The following CALN1 variants were observed in gnomAD, a reference collection of about 807,000 sequenced individuals.
CALN1 encodes the protein calcium-binding protein 8.
CALN1 carries 17 observed loss-of-function variants against 30.6 expected under a neutral mutation model. That is an observed-to-expected ratio of 0.56 (90% CI 0.38 to 0.83). The LOEUF is 0.83. CALN1 is among the 40% of genes least tolerant of loss of function. CALN1 has a pLI of 0.00. For synonymous variants in CALN1, 156 were observed against 131.4 expected, an observed-to-expected ratio of 1.19 and a Z score of -1.28; for missense variants, 291 against 354.9, an observed-to-expected ratio of 0.82 and a Z score of 1.45.
At chr7:72,383,879 G>C (rs1225285909) in intron 2 of CALN1, among the ~76,000 whole-genome samples, 1 of 152,110 alleles carries the variant, frequency 6.6e-6, no homozygotes, top group Non-Finnish European at 1.5e-5. Context: ...TTTAAGTTCT[G>C]GGATATCTGT....
rs186121796 is a variant in CALN1, at chr7:72,159,386, C to T, written c.245-53092G>A. 2.1e-3 allele frequency among the ~76,000 whole-genome samples: 316 copies of T among 152,246 alleles called. 1 individual carries two copies. Among genetic ancestry groups the T allele is most frequent in the Non-Finnish European group, 5.0e-4 (34 of 68,022 alleles). ...CATGTGGTGTGTGCCTGTAATCCAGCTACTTCAGAGGCTGAGGCAGGGAGG... is the reference window on the plus strand; with the variant it reads ...CATGTGGTGTGTGCCTGTAATCCAGTTACTTCAGAGGCTGAGGCAGGGAGG... On this transcript the variant is annotated intron_variant, in intron 3 of 6. Transcript: ENST00000395275.
intron 3 of CALN1, among the ~76,000 whole-genome samples, chr7:72,156,718 T>G (rs1455643058): frequency 1.3e-5 from 2 of 152,210 alleles, no homozygotes; most frequent in African/African-American, 4.8e-5. Flanking sequence ...GTGTTCTGTT[T>G]GTATCATAAT....
chr7:71,835,017 T>C (rs762069125), intron 5 of CALN1, among the ~76,000 whole-genome samples: 2 of 152,080 alleles, frequency 1.3e-5, no homozygotes, highest in South Asian at 2.1e-4. Flanking sequence ...AAAATTTTCA[T>C]AGGGACGAGG....
chr7:72,439,113 T>C (rs1808266877), intron 1 of CALN1, among the ~76,000 whole-genome samples: 2 of 152,178 alleles, frequency 1.3e-5, no homozygotes, highest in Admixed American at 6.5e-5. Context: ...TATAGCTCAC[T>C]GCAGCCTCCT....
In CALN1 at chr7:72,121,261, ATATATC is replaced by A. The variant is rs1055518970; in HGVS notation, c.245-14973_245-14968del. Among the ~76,000 whole-genome samples, 629 of 136,716 alleles carry A rather than the reference ATATATC, an allele frequency of 4.6e-3. 3 individuals are homozygous for A. The highest frequency in any genetic ancestry group is 0.016 in the African/African-American group (612 of 37,788). 89.7% of individuals were successfully genotyped at this position (136,716 alleles called of 152,430 possible). On this transcript the variant is annotated intron_variant, in intron 3 of 6. Coordinates refer to ENST00000395275, the MANE Select transcript of CALN1 (RefSeq NM_031468.4). ...TAATATATTATAATACATATCTATT[ATATATC>A]TATATTATATAATAATATATAAATT...
intron 1 of CALN1, among the ~76,000 whole-genome samples, chr7:72,433,678 G>T (rs1014384462): frequency 2.0e-5 from 3 of 152,106 alleles, no homozygotes; most frequent in Non-Finnish European, 2.9e-5. Context: ...CAATCTAGCT[G>T]GGTCTCAGGG....
chr7:72,425,096 G>C (rs1218342439), intron 1 of CALN1, among the ~76,000 whole-genome samples: 1 of 152,090 alleles, frequency 6.6e-6, no homozygotes, highest in Non-Finnish European at 1.5e-5. Flanking sequence ...GAGAGGGGTA[G>C]GGTTTGTTTT....
At chr7:72,309,330 T>C (rs78370006) in intron 2 of CALN1, among the ~76,000 whole-genome samples, 33 of 152,222 alleles carry the variant, frequency 2.2e-4, no homozygotes, top group African/African-American at 7.5e-4. Flanking sequence ...CTTTGAAACA[T>C]ACACATCAGT....
chr7:72,129,768 G>A (rs929172416), intron 3 of CALN1, among the ~76,000 whole-genome samples: 2 of 152,052 alleles, frequency 1.3e-5, no homozygotes, highest in Non-Finnish European at 2.9e-5. Flanking sequence ...AAAAAGCTCA[G>A]AATCAACTCA....
intron 5 of CALN1, among the ~76,000 whole-genome samples, chr7:71,959,622 C>CTT (rs11289767): frequency 5.5e-5 from 8 of 144,382 alleles, no homozygotes; most frequent in African/African-American, 1.3e-4. Flanking sequence ...ACCTTTCCAG[C>CTT]TTTTTTTTTT....
intron 1 of CALN1, among the ~76,000 whole-genome samples, chr7:72,408,221 T>A (rs1325275618): frequency 6.8e-6 from 1 of 147,466 alleles, no homozygotes; most frequent in Non-Finnish European, 1.5e-5. Flanking sequence ...TCACCCAAGG[T>A]CAGGAGTTTG....
chr7:71,807,916 A>T (rs921257042), intron 6 of CALN1, among the ~76,000 whole-genome samples: 2 of 152,140 alleles, frequency 1.3e-5, no homozygotes, highest in African/African-American at 4.8e-5. Context: ...TCTACTAAAA[A>T]TATGAAAATT....
At chr7:72,167,296 T>C (rs1788594360) in intron 3 of CALN1, among the ~76,000 whole-genome samples, 1 of 152,130 alleles carries the variant, frequency 6.6e-6, no homozygotes, top group African/African-American at 2.4e-5. Context: ...AAAACAATAG[T>C]AGATTGAGAA....
chr7:72,285,526 A>G (rs1466224091), intron 2 of CALN1, among the ~76,000 whole-genome samples: 1 of 152,214 alleles, frequency 6.6e-6, no homozygotes, highest in East Asian at 1.9e-4. Context: ...TACAGGCGTG[A>G]ACCACAGCGC....
chr7:71,880,218 T>C (rs977143110), intron 5 of CALN1, among the ~76,000 whole-genome samples: 3 of 152,202 alleles, frequency 2.0e-5, no homozygotes, highest in Non-Finnish European at 2.9e-5. Context: ...GATCCTTCAA[T>C]TGAGCTCATC....
At chr7:72,108,134 CTTCCAGCTGCCAGAGGCTGCCAGCA>C (rs1807309651) in intron 3 of CALN1, among the ~76,000 whole-genome samples, 2 of 152,354 alleles carry the variant, frequency 1.3e-5, no homozygotes, top group African/African-American at 4.8e-5. Flanking sequence ...CCATTTGTCT[CTTCCAGCTGCCAGAGGCTGCCAGCA>C]TTCCTTGGCT....
At chr7:72,477,643 A>G in the CALN1 span, among the ~76,000 whole-genome samples, 1 of 152,000 alleles carries the variant, frequency 6.6e-6, no homozygotes, top group African/African-American at 2.4e-5. Context: ...GCTGGTCTTG[A>G]ACTCCTAGCT....
At chr7:71,997,427 A>G (rs1401159326) in intron 5 of CALN1, among the ~76,000 whole-genome samples, 1 of 152,166 alleles carries the variant, frequency 6.6e-6, no homozygotes, top group Non-Finnish European at 1.5e-5. Context: ...ATATAAACAG[A>G]TCCTCAGGGG....
At chr7:71,985,584 CTTTTTTT>C (rs962922789) in intron 5 of CALN1, among the ~76,000 whole-genome samples, 19 of 96,438 alleles carry the variant, frequency 2.0e-4, no homozygotes, top group South Asian at 3.9e-4. Context: ...AGGTAGTTTT[CTTTTTTT>C]TTTTTTTTTT....
Sources: gnomAD v4.1 joint callset for allele counts (sites outside exome capture counted in the v4.1 genomes callset) on GRCh38, gnomAD v4.1.1 for gene constraint, MANE v1.5 for transcripts, NCBI Gene and HGNC (gene_info 2026-07-23, HGNC 2026-07-21) for gene names.